The following CHD9 variants were observed in gnomAD, a reference collection of about 807,000 sequenced individuals.
CHD9 encodes ATP-dependent chromatin remodeler CHD9.
Under a neutral mutation model 316.1 loss-of-function variants are expected in CHD9, and 77 were observed. The observed-to-expected ratio is 0.24, with a 90% CI of 0.20 to 0.29. The LOEUF is 0.29. CHD9 is among the 10% of genes least tolerant of loss of function. The probability of loss-of-function intolerance (pLI) is 1.00; values close to 1 mark genes in which losing one functional copy is unlikely to be tolerated. For missense variants in CHD9, 2,763 were observed against 3,438.1 expected (o/e 0.80, Z 4.91); for synonymous variants, 1,129 against 1,158.3 (o/e 0.97, Z 0.51).
At chr16:53,126,266 G>T (rs370862385) in intron 1 of CHD9, among the ~76,000 whole-genome samples, 2 of 152,266 alleles carry the variant, frequency 1.3e-5, no homozygotes, top group South Asian at 4.1e-4. Context: ...TAGTATGTGT[G>T]TATCCAGCAG....
chr16:53,274,456 TATTTA>T (rs750196800), intron 24 of CHD9, among the ~76,000 whole-genome samples, 154 bp downstream of exon 24: 11 of 152,250 alleles, frequency 7.2e-5, no homozygotes, highest in Non-Finnish European at 1.6e-4. Context: ...ATATTTATTT[TATTTA>T]TTCATTTTTT....
chr16:53,123,688 G>A (rs1382501894), intron 1 of CHD9, among the ~76,000 whole-genome samples: 1 of 151,970 alleles, frequency 6.6e-6, no homozygotes, highest in African/African-American at 2.4e-5. Flanking sequence ...TTTTAGTAGA[G>A]ACAGGGTTTC....
chr16:53,321,375 T>C, intron 37 of CHD9, 151 bp from the exon 38 acceptor site: 2 of 1,382,922 alleles, frequency 1.4e-6, no homozygotes, highest in South Asian at 3.6e-5. Flanking sequence ...AGGGTCACGG[T>C]GGGCCTTTTT....
chr16:53,288,902 C>G (rs2054106613), intron 27 of CHD9, among the ~76,000 whole-genome samples: 1 of 151,274 alleles, frequency 6.6e-6, no homozygotes, highest in Non-Finnish European at 1.5e-5. Context: ...AGGATCAGTC[C>G]TTTACTGGTA....
chr16:53,131,073 C>CGCCGCCGCTGCCACCCACCG lies in CHD9; in HGVS notation c.-164-24852_-164-24833dup, dbSNP rs1470207587. ...CCGCGCAGCCGGTAAGTGCCGCCGC[C>CGCCGCCGCTGCCACCCACCG]GCCGCCGCTGCCACCCACCGCCTCG... On this transcript the variant is annotated intron_variant, in intron 1 of 38. Coordinates refer to ENST00000447540, the MANE Select transcript of CHD9 (RefSeq NM_001308319.2). The CGCCGCCGCTGCCACCCACCG allele has an allele frequency of 4.1e-4, 4 of 9,776 alleles. 1 individual carries two copies. The highest frequency in any genetic ancestry group is 3.4e-3 in the South Asian group (3 of 878). The allele number at this position is 9,776 out of a possible 1,614,324, so 0.6% of individuals were successfully genotyped here. A position where few individuals can be genotyped will look rare whatever the true frequency, so the allele number is the denominator to read the frequency against.
Position 53,143,646 on chromosome 16 carries a change from C to T in CHD9, c.-164-12280C>T, listed in dbSNP as rs928447373. ...TCGTGATCCGCCCACCTTGGCCTCC[C>T]AAAGTGCTAGGATTACAGGCATGAG... On this transcript the variant is annotated intron_variant, in intron 1 of 38. Transcript: ENST00000447540. Among the ~76,000 whole-genome samples the T allele has an allele frequency of 2.0e-5, 3 of 152,176 alleles. No individual in the cohort carries two copies. The South Asian group carries it at 6.2e-4, about 32-fold the overall frequency.
At chr16:53,180,154 C>A (rs1220434722) in intron 2 of CHD9, among the ~76,000 whole-genome samples, 2 of 151,162 alleles carry the variant, frequency 1.3e-5, no homozygotes, top group Admixed American at 1.3e-4. Context: ...TTACAGTTGC[C>A]CACCACCACG....
chr16:53,273,216 T>G (rs974319251), intron 22 of CHD9, among the ~76,000 whole-genome samples: 3 of 152,228 alleles, frequency 2.0e-5, no homozygotes, highest in Non-Finnish European at 2.9e-5. Context: ...AAAATGAGTT[T>G]AGCTATCTTG....
chr16:53,312,327 C>G (rs1023898606), intron 34 of CHD9, among the ~76,000 whole-genome samples: 1 of 152,130 alleles, frequency 6.6e-6, no homozygotes, highest in African/African-American at 2.4e-5. Flanking sequence ...TTTTGCTACA[C>G]AGAACATTAT....
chr16:53,206,606 A>G (rs1233672693), intron 2 of CHD9, among the ~76,000 whole-genome samples: 1 of 152,192 alleles, frequency 6.6e-6, no homozygotes, highest in Non-Finnish European at 1.5e-5. Flanking sequence ...GTATCCTCAT[A>G]TAAAATGGGA....
At chr16:53,181,788 G>A (rs73607734) in intron 2 of CHD9, among the ~76,000 whole-genome samples, 4,934 of 152,190 alleles carry the variant, frequency 0.032, 99 homozygotes, top group Middle Eastern at 0.071. Context: ...GATTAAAAAT[G>A]ATAAAACAGG....
intron 10 of CHD9, among the ~76,000 whole-genome samples, chr16:53,234,768 A>C (rs1272429036): frequency 2.0e-5 from 3 of 151,706 alleles, no homozygotes; most frequent in Non-Finnish European, 4.4e-5. Flanking sequence ...TCTGTTGATC[A>C]GCACTGATTA....
chr16:53,210,609 G>A (rs1243964850), intron 3 of CHD9, among the ~76,000 whole-genome samples: 1 of 152,026 alleles, frequency 6.6e-6, no homozygotes, highest in Non-Finnish European at 1.5e-5. Context: ...TTCAGGACTG[G>A]TTATTTTTGA....
chr16:53,282,969 A>G (rs1409411498), intron 24 of CHD9, among the ~76,000 whole-genome samples: 1 of 151,926 alleles, frequency 6.6e-6, no homozygotes, highest in African/African-American at 2.4e-5. Flanking sequence ...TTTTGTCTCT[A>G]TGCTTATGTC....
At chr16:53,217,960 T>C (rs112859198) in intron 3 of CHD9, among the ~76,000 whole-genome samples, 73 of 133,958 alleles carry the variant, frequency 5.4e-4, no homozygotes, top group East Asian at 1.6e-3. Flanking sequence ...TTCTTTCTTT[T>C]TTTTTTTAAT....
intron 2 of CHD9, among the ~76,000 whole-genome samples, chr16:53,163,672 G>A (rs984327444): frequency 5.3e-5 from 8 of 152,120 alleles, no homozygotes; most frequent in African/African-American, 1.9e-4. Context: ...TAATGGTTTA[G>A]CAACCATTGT....
At chr16:53,321,425 A>G in intron 37 of CHD9, 101 bp from the exon 38 acceptor site, 1 of 1,396,988 alleles carries the variant, frequency 7.2e-7, no homozygotes, top group Non-Finnish European at 9.3e-7. Flanking sequence ...TTCAAAAAAT[A>G]TGTATTTTAA....
At chr16:53,065,317 G>A (rs2033392097) in intron 1 of CHD9, among the ~76,000 whole-genome samples, 1 of 151,898 alleles carries the variant, frequency 6.6e-6, no homozygotes, top group African/African-American at 2.4e-5. Context: ...CTGCTCCCTG[G>A]GCCAGCCCTA....
chr16:53,265,300 C>A (rs1055979483), intron 20 of CHD9, among the ~76,000 whole-genome samples: 1 of 151,818 alleles, frequency 6.6e-6, no homozygotes, highest in Non-Finnish European at 1.5e-5. Context: ...TACGAAGGAG[C>A]CTGAAGGTGT....
Sources: gnomAD v4.1 joint callset for allele counts (sites outside exome capture counted in the v4.1 genomes callset) on GRCh38, gnomAD v4.1.1 for gene constraint, MANE v1.5 for transcripts, NCBI Gene and HGNC (gene_info 2026-07-23, HGNC 2026-07-21) for gene names.